Variants in RSPO2 observed in about 807,000 individuals in gnomAD.
The protein encoded by RSPO2 is R-spondin 2, also known as R-spondin-2.
Under a neutral mutation model 30.9 loss-of-function variants are expected in RSPO2, and 14 were observed. The observed-to-expected ratio is 0.45, with a 90% CI of 0.30 to 0.71. The LOEUF (loss-of-function observed/expected upper bound fraction) is 0.71. Among genes scored for constraint, RSPO2 ranks in the 30% least tolerant of loss-of-function variants. The pLI, the probability that RSPO2 is intolerant of heterozygous loss-of-function variation, is 0.08. For synonymous variants in RSPO2, 107 were observed against 96.4 expected (o/e 1.11, Z -0.64); for missense variants, 264 against 301.9 (o/e 0.87, Z 0.93).
Position 107,982,372 on chromosome 8 carries a change from G to A in RSPO2, c.283+6684C>T, listed in dbSNP as rs953290835. ...AATCCTTAACCTTGATTGACATGAGGTAGATACTTCATAAATTGCTGAATA... is the reference window on the plus strand; with the variant it reads ...AATCCTTAACCTTGATTGACATGAGATAGATACTTCATAAATTGCTGAATA... On this transcript the variant is annotated intron_variant, in intron 3 of 5. Transcript: ENST00000276659. 7.2e-5 allele frequency among the ~76,000 whole-genome samples: 11 copies of A among 152,288 alleles called. No individual in the cohort carries two copies. The East Asian group carries it at 1.7e-3, about 24-fold the overall frequency.
intron 5 of RSPO2, among the ~76,000 whole-genome samples, chr8:107,932,231 AAG>A (rs1357140867): frequency 6.6e-6 from 1 of 152,188 alleles, no homozygotes; most frequent in Non-Finnish European, 1.5e-5. Flanking sequence ...GAGCTGGGTT[AAG>A]AGAGGAAGAA....
At chr8:107,991,720 G>T (rs1221014798) in intron 2 of RSPO2, among the ~76,000 whole-genome samples, 11 of 151,958 alleles carry the variant, frequency 7.2e-5, no homozygotes. Context: ...TAACAAGCAG[G>T]CAAAGGACAT....
intron 2 of RSPO2, among the ~76,000 whole-genome samples, chr8:107,998,987 T>C (rs1815126571): frequency 6.6e-6 from 1 of 152,128 alleles, no homozygotes; most frequent in African/African-American, 2.4e-5. Flanking sequence ...GAAGTTGCAG[T>C]GAGTTGGGAT....
chr8:108,011,955 A>C (rs751106038), intron 2 of RSPO2, among the ~76,000 whole-genome samples: 20 of 152,226 alleles, frequency 1.3e-4, no homozygotes, highest in Non-Finnish European at 2.6e-4. Flanking sequence ...TGTGTGTTTA[A>C]TAGAATCAAG....
At chr8:108,041,580 T>C (rs1422579685) in intron 2 of RSPO2, among the ~76,000 whole-genome samples, 2 of 152,094 alleles carry the variant, frequency 1.3e-5, no homozygotes, top group African/African-American at 2.4e-5. Flanking sequence ...CAACAGCAAA[T>C]TGCAAGTGTG....
chr8:108,071,518 G>T (rs1812844765), intron 2 of RSPO2, among the ~76,000 whole-genome samples: 1 of 152,152 alleles, frequency 6.6e-6, no homozygotes, highest in African/African-American at 2.4e-5. Flanking sequence ...CACTATGCTG[G>T]GTGAAGGAGG....
At chr8:107,983,674 G>T in intron 3 of RSPO2, 1 of 1,592,878 alleles carries the variant, frequency 6.3e-7, no homozygotes. Flanking sequence ...ATTCCTTGTG[G>T]CAGAGAATTA....
Position 108,083,426 on chromosome 8 carries a change from G to C in RSPO2, c.-399C>G, listed in dbSNP as rs1407915595. The C allele has an allele frequency of 6.6e-6, 1 of 152,246 alleles. No homozygotes were observed. The highest frequency in any genetic ancestry group is 1.5e-5 in the Non-Finnish European group (1 of 68,074). 9.4% of individuals were successfully genotyped at this position (152,246 alleles called of 1,614,324 possible). ...ATGCTCCGTCCCCGCCCGCGAGCGC[G>C]GTCCCCAGGCAAGGGGTGCGCCCGC... On this transcript the variant is annotated 5_prime_UTR_variant, in exon 1 of 6. Transcript: ENST00000276659.
intron 1 of RSPO2, 44 bp from the exon 2 acceptor site, chr8:108,082,851 G>A (rs1012166782): frequency 1.9e-6 from 1 of 520,110 alleles, no homozygotes. Context: ...GGGATGGAGA[G>A]AGCCCCGGGG....
intron 5 of RSPO2, among the ~76,000 whole-genome samples, chr8:107,931,169 A>G (rs558592306): frequency 3.8e-4 from 58 of 152,328 alleles, no homozygotes; most frequent in African/African-American, 1.2e-3. Context: ...ATCTTGCACT[A>G]AAAATTGATA....
At chr8:107,996,095 T>C (rs891911806) in intron 2 of RSPO2, among the ~76,000 whole-genome samples, 2 of 152,098 alleles carry the variant, frequency 1.3e-5, no homozygotes, top group Non-Finnish European at 2.9e-5. Flanking sequence ...TTAACTTCTC[T>C]GTGCCAGAAA....
chr8:107,966,476 A>T (rs538798873), intron 3 of RSPO2, among the ~76,000 whole-genome samples: 11 of 152,334 alleles, frequency 7.2e-5, no homozygotes, highest in African/African-American at 2.6e-4. Context: ...ACGTTTTCAG[A>T]AAGTTAACCT....
intron 2 of RSPO2, among the ~76,000 whole-genome samples, chr8:108,068,345 C>A (rs1343146083): frequency 6.6e-6 from 1 of 152,116 alleles, no homozygotes; most frequent in Non-Finnish European, 1.5e-5. Context: ...CAGGGGGTGC[C>A]ATTAATATTC....
intron 5 of RSPO2, among the ~76,000 whole-genome samples, chr8:107,907,367 C>T (rs1341633488): frequency 1.3e-5 from 2 of 151,958 alleles, no homozygotes; most frequent in East Asian, 3.9e-4. Context: ...CTGGCAACAT[C>T]TAATCCTTCA....
At chr8:107,995,285 A>T (rs1175663186) in intron 2 of RSPO2, among the ~76,000 whole-genome samples, 1 of 152,182 alleles carries the variant, frequency 6.6e-6, no homozygotes, top group Non-Finnish European at 1.5e-5. Context: ...GTTGGGGGGC[A>T]GAGCTAGGGA....
At chr8:107,992,103 T>C (rs1814865320) in intron 2 of RSPO2, among the ~76,000 whole-genome samples, 1 of 151,496 alleles carries the variant, frequency 6.6e-6, no homozygotes, top group African/African-American at 2.4e-5. Context: ...ATTGCAGCAC[T>C]ATTCTCAATA....
Position 107,900,313 on chromosome 8 carries a change from CAATGAGA to C in RSPO2, c.*755_*761del, listed in dbSNP as rs1477026271. On this transcript the variant is annotated 3_prime_UTR_variant, in exon 6 of 6. Coordinates refer to ENST00000276659, the MANE Select transcript of RSPO2 (RefSeq NM_178565.5). ...CAAAAACTAGTTTATCCTACCCTTA[CAATGAGA>C]AATAAGCCCACAATGAGGGGAAAAA... is the stretch of plus-strand genomic sequence containing the variant. 1 of 151,494 alleles carries C rather than the reference CAATGAGA, an allele frequency of 6.6e-6. No homozygotes were observed. Among genetic ancestry groups the C allele is most frequent in the African/African-American group, 2.4e-5 (1 of 41,180 alleles). 9.4% of individuals were successfully genotyped at this position (151,494 alleles called of 1,614,324 possible).
intron 2 of RSPO2, among the ~76,000 whole-genome samples, chr8:108,055,802 A>T (rs570233323): frequency 1.3e-5 from 2 of 152,334 alleles, no homozygotes; most frequent in African/African-American, 2.4e-5. Context: ...AAAAAAAATT[A>T]TCAATGGCTC....
chr8:107,974,847 TACAC>T (rs10530103), intron 3 of RSPO2, among the ~76,000 whole-genome samples: 10 of 150,814 alleles, frequency 6.6e-5, no homozygotes, highest in South Asian at 4.2e-4. Flanking sequence ...CACATACACA[TACAC>T]ACACACACAC....
Sources: gnomAD v4.1 joint callset for allele counts (sites outside exome capture counted in the v4.1 genomes callset) on GRCh38, gnomAD v4.1.1 for gene constraint, MANE v1.5 for transcripts, NCBI Gene and HGNC (gene_info 2026-07-23, HGNC 2026-07-21) for gene names.